The following PLAAT1 variants were observed in gnomAD, a reference collection of about 807,000 sequenced individuals.
The protein encoded by PLAAT1 is phospholipase A and acyltransferase 1.
PLAAT1 carries 13 observed loss-of-function variants against 16.4 expected under a neutral mutation model. The ratio of observed to expected loss-of-function variants is 0.79; its 90% CI spans 0.52 to 1.26. PLAAT1 has a LOEUF of 1.26. PLAAT1 is among the 50% of genes most tolerant of loss of function. PLAAT1 has a pLI of 0.00. For missense variants in PLAAT1, 218 were observed against 207.8 expected (o/e 1.05, Z -0.30); for synonymous variants, 73 against 78.4 (o/e 0.93, Z 0.36).
downstream of PLAAT1, among the ~76,000 whole-genome samples, chr3:193,279,976 TAAAAAAAAA>T (rs57617984): frequency 2.7e-4 from 16 of 59,900 alleles, no homozygotes; most frequent in East Asian, 6.5e-4. Context: ...GTGTCTTTGT[TAAAAAAAAA>T]AAAAAAAAAA....
At chr3:193,243,208 T>A (rs1287226160) in intron 1 of PLAAT1, among the ~76,000 whole-genome samples, 2 of 152,364 alleles carry the variant, frequency 1.3e-5, no homozygotes, top group East Asian at 3.9e-4. Flanking sequence ...AGCATTTTTT[T>A]ACCTTAAAGA....
upstream of PLAAT1, among the ~76,000 whole-genome samples, chr3:193,240,654 CGTGTGTGTGTGTGTGTGTGT>C (rs370008875): frequency 1.1e-5 from 1 of 88,502 alleles, no homozygotes; most frequent in Non-Finnish European, 2.2e-5. Flanking sequence ...GGCTATCTGG[CGTGTGTGTGTGTGTGTGTGT>C]GTGTGTGTGT....
chr3:193,248,743 GT>G (rs1476755662), intron 1 of PLAAT1, among the ~76,000 whole-genome samples: 3 of 152,014 alleles, frequency 2.0e-5, no homozygotes, highest in African/African-American at 7.2e-5. Context: ...TTTTTAAATA[GT>G]TTTTGGCATG....
At chr3:193,276,858 A>G (rs199932245) in intron 2 of PLAAT1, 27 of 1,509,132 alleles carry the variant, frequency 1.8e-5, no homozygotes, top group African/African-American at 2.8e-5. Flanking sequence ...CCATTATTAT[A>G]TTTTGCACAC....
chr3:193,245,261 G>A (rs573433523), intron 1 of PLAAT1, among the ~76,000 whole-genome samples: 6 of 152,114 alleles, frequency 3.9e-5, no homozygotes, highest in South Asian at 2.1e-4. Flanking sequence ...TGAGGTCAGC[G>A]TTTTTAGATT....
intron 2 of PLAAT1, among the ~76,000 whole-genome samples, chr3:193,276,288 G>A (rs944526724): frequency 7.2e-5 from 11 of 152,188 alleles, no homozygotes; most frequent in African/African-American, 2.7e-4. Context: ...GTGACACTGA[G>A]TAGAAAAGAA....
At chr3:193,278,051 G>A (rs6769185), downstream of PLAAT1, among the ~76,000 whole-genome samples, 225 of 152,180 alleles carry the variant, frequency 1.5e-3, 2 homozygotes, top group African/African-American at 5.1e-3. Context: ...TGATCCACCC[G>A]CCTTGGCCTC....
intron 1 of PLAAT1, among the ~76,000 whole-genome samples, chr3:193,249,883 GT>G (rs34473338): frequency 2.4e-3 from 357 of 151,826 alleles, no homozygotes; most frequent in Middle Eastern, 6.8e-3. Context: ...GAAGTTCCCA[GT>G]TTTTTCATGC....
intron 1 of PLAAT1, among the ~76,000 whole-genome samples, chr3:193,254,619 T>A (rs1001688789): frequency 8.5e-5 from 13 of 152,146 alleles, no homozygotes; most frequent in African/African-American, 2.7e-4. Flanking sequence ...TAAAAAGTAT[T>A]GACTTAAAAA....
chr3:193,264,723 C>A (rs1297102484), intron 3 of PLAAT1, among the ~76,000 whole-genome samples: 3 of 152,132 alleles, frequency 2.0e-5, no homozygotes, highest in Non-Finnish European at 2.9e-5. Flanking sequence ...TCATGTTGGC[C>A]AGGCTGGTCT....
chr3:193,260,712 T>C lies in PLAAT1; in HGVS notation c.140-2258T>C, dbSNP rs368289566. On this transcript the variant is annotated intron_variant, in intron 2 of 3. Transcript: ENST00000264735. ...AAAAAAAAAACAGATGCTGGTGATG[T>C]TGCAGAGAAAAGGAAATGTTTATAC... Among the ~76,000 whole-genome samples the C allele has an allele frequency of 2.6e-5, 4 of 151,954 alleles. No individual in the cohort carries two copies. The South Asian group carries it at 8.3e-4, about 32-fold the overall frequency.
intron 1 of PLAAT1, among the ~76,000 whole-genome samples, chr3:193,251,416 A>G (rs946136835): frequency 2.6e-5 from 4 of 152,184 alleles, no homozygotes; most frequent in Non-Finnish European, 5.9e-5. Context: ...GAACTACTGG[A>G]AAAGAACATA....
chr3:193,264,281 G>A (rs1716696377), intron 3 of PLAAT1, among the ~76,000 whole-genome samples: 1 of 152,266 alleles, frequency 6.6e-6, no homozygotes, highest in African/African-American at 2.4e-5. Context: ...AAAGCCTCGT[G>A]TTATTTAAAC....
At chr3:193,240,751 G>A (rs1381706924), upstream of PLAAT1, among the ~76,000 whole-genome samples, 7 of 151,306 alleles carry the variant, frequency 4.6e-5, no homozygotes, top group African/African-American at 1.5e-4. Context: ...AAGCAGTGAG[G>A]TTGTTTTAGG....
downstream of PLAAT1, among the ~76,000 whole-genome samples, chr3:193,272,447 A>G (rs1717012177): frequency 8.2e-6 from 1 of 121,850 alleles, no homozygotes; most frequent in South Asian, 2.5e-4. Context: ...TCCACCTCAA[A>G]AACAAAACAA....
intron 1 of PLAAT1, among the ~76,000 whole-genome samples, chr3:193,244,447 T>C (rs1195862677): frequency 1.3e-5 from 2 of 151,878 alleles, no homozygotes; most frequent in South Asian, 2.1e-4. Flanking sequence ...TTCTGTTAGA[T>C]GTATAATGAT....
At chr3:193,273,455 CATTT>C (rs553451749), downstream of PLAAT1, among the ~76,000 whole-genome samples, 69 of 152,262 alleles carry the variant, frequency 4.5e-4, no homozygotes, top group South Asian at 8.5e-3. Context: ...GTTTGTGTAA[CATTT>C]ATAATATGAT....
chr3:193,258,865 A>C (rs933482560), intron 2 of PLAAT1, among the ~76,000 whole-genome samples: 5 of 152,144 alleles, frequency 3.3e-5, no homozygotes, highest in African/African-American at 9.7e-5. Flanking sequence ...AAACTACTCC[A>C]AAAACCCCAG....
At position 193,242,677 on chromosome 3, in the gene PLAAT1, T is replaced by C. The variant is rs142273670; in HGVS notation, c.-1+1144T>C. ...AGTGCTGTGGCAGCGGATAGTTAATTTGGCCAAGGAGTGGAACCCTCCTTT... is the reference window on the plus strand; with the variant it reads ...AGTGCTGTGGCAGCGGATAGTTAATCTGGCCAAGGAGTGGAACCCTCCTTT... On this transcript the variant is annotated intron_variant, in intron 1 of 3. Coordinates refer to ENST00000264735, the MANE Select transcript of PLAAT1 (RefSeq NM_020386.5). Among the ~76,000 whole-genome samples the C allele has an allele frequency of 1.9e-3, 282 of 152,182 alleles. 2 individuals carry two copies. Among genetic ancestry groups the C allele is most frequent in the African/African-American group, 6.2e-3 (259 of 41,502 alleles).
Sources: gnomAD v4.1 joint callset for allele counts (sites outside exome capture counted in the v4.1 genomes callset) on GRCh38, gnomAD v4.1.1 for gene constraint, MANE v1.5 for transcripts, NCBI Gene and HGNC (gene_info 2026-07-23, HGNC 2026-07-21) for gene names.